The following FGGY variants were observed in gnomAD, a reference collection of about 807,000 sequenced individuals.
The protein encoded by FGGY is FGGY carbohydrate kinase domain-containing protein.
FGGY carries 72 observed loss-of-function variants against 71.3 expected under a neutral mutation model. That is an observed-to-expected ratio of 1.01 (90% CI 0.84 to 1.23). The LOEUF is 1.23. Among genes scored for constraint, FGGY ranks in the 50% most tolerant of loss-of-function variants. The probability of loss-of-function intolerance (pLI) is 0.00; values close to 1 mark genes in which losing one functional copy is unlikely to be tolerated. For missense variants in FGGY, 668 were observed against 682.3 expected (o/e 0.98, Z 0.23); for synonymous variants, 251 against 250.3 (o/e 1.00, Z -0.02).
chr1:59,748,069 G>T (rs1252782921), intron 14 of FGGY, among the ~76,000 whole-genome samples: 1 of 152,076 alleles, frequency 6.6e-6, no homozygotes, highest in Non-Finnish European at 1.5e-5. Context: ...AGGGAGGCAA[G>T]ATCTGTATAC....
intron 14 of FGGY, among the ~76,000 whole-genome samples, chr1:59,683,224 A>G (rs868602303): frequency 6.6e-6 from 1 of 152,252 alleles, no homozygotes; most frequent in African/African-American, 2.4e-5. Flanking sequence ...CTTTACAGAC[A>G]AGAAACAGGG....
At chr1:59,619,285 G>T (rs78168718) in intron 9 of FGGY, among the ~76,000 whole-genome samples, 5,642 of 152,076 alleles carry the variant, frequency 0.037, 212 homozygotes, top group African/African-American at 0.099. Flanking sequence ...ACTCCACCAA[G>T]ACTCCTGTAC....
At chr1:59,334,818 C>T (rs1009207642) in intron 2 of FGGY, among the ~76,000 whole-genome samples, 3 of 151,848 alleles carry the variant, frequency 2.0e-5, no homozygotes, top group Non-Finnish European at 2.9e-5. Flanking sequence ...AGAAACTGGT[C>T]GCTCATGCTT....
At chr1:59,457,736 C>T (rs1011335561) in intron 6 of FGGY, among the ~76,000 whole-genome samples, 18 of 152,042 alleles carry the variant, frequency 1.2e-4, no homozygotes, top group African/African-American at 3.6e-4. Context: ...AATAATTTTA[C>T]AAATTAGGTT....
chr1:59,296,438 T>G (rs948072651), upstream of FGGY, among the ~76,000 whole-genome samples: 8 of 152,084 alleles, frequency 5.3e-5, no homozygotes, highest in Non-Finnish European at 1.2e-4. Flanking sequence ...CTGCGGAGAG[T>G]CCGCCTGGGT....
intron 11 of FGGY, among the ~76,000 whole-genome samples, chr1:59,658,492 T>C (rs556286775): frequency 7.9e-4 from 120 of 152,320 alleles, no homozygotes; most frequent in South Asian, 1.7e-3. Context: ...CTCTACTGAA[T>C]GTAGGAATCC....
At chr1:59,385,174 C>T (rs1376849183) in intron 5 of FGGY, among the ~76,000 whole-genome samples, 1 of 152,104 alleles carries the variant, frequency 6.6e-6, no homozygotes, top group African/African-American at 2.4e-5. Flanking sequence ...TTCCTCTCCT[C>T]TCTTTCAGGT....
At chr1:59,485,209 C>A (rs1271406325) in intron 6 of FGGY, among the ~76,000 whole-genome samples, 1 of 152,240 alleles carries the variant, frequency 6.6e-6, no homozygotes, top group African/African-American at 2.4e-5. Context: ...CTAATCTACA[C>A]TGTCATCCCT....
Position 59,708,891 on chromosome 1 carries a change from G to A in FGGY, c.1512+34758G>A, listed in dbSNP as rs970062353. On this transcript the variant is annotated intron_variant, in intron 14 of 15. Transcript: ENST00000303721. ...ATTTCCAGTTTTGGATTTTGGATTA[G>A]GGATGCTCAACCAGTAATTATTTAA... Among the ~76,000 whole-genome samples the A allele has an allele frequency of 2.0e-5, 3 of 152,290 alleles. No homozygotes were observed. The South Asian group carries it at 6.2e-4, about 32-fold the overall frequency.
Position 59,752,265 on chromosome 1 carries a change from C to T in FGGY, c.1513-5666C>T, listed in dbSNP as rs114843893. 4.9e-3 allele frequency among the ~76,000 whole-genome samples: 745 copies of T among 152,352 alleles called. 5 individuals carry two copies. Among genetic ancestry groups the T allele is most frequent in the Non-Finnish European group, 7.3e-3 (500 of 68,030 alleles). ...GCCATCACTTTTTCCTTTGGCAACT[C>T]TGCAAACACTAACCAAGCACCTGTA... On this transcript the variant is annotated intron_variant, in intron 14 of 15. Transcript: ENST00000303721.
chr1:59,362,046 C>T (rs775047668), intron 4 of FGGY, among the ~76,000 whole-genome samples: 19 of 152,258 alleles, frequency 1.2e-4, no homozygotes, highest in South Asian at 4.1e-4. Context: ...CCTCCCTTCT[C>T]GATGCTTTGT....
intron 6 of FGGY, among the ~76,000 whole-genome samples, chr1:59,506,020 G>A (rs933274730): frequency 3.8e-4 from 58 of 152,208 alleles, no homozygotes; most frequent in African/African-American, 1.4e-3. Flanking sequence ...CAGAGTGATA[G>A]TGTTTTTACA....
At chr1:59,641,465 C>T (rs931001645) in intron 11 of FGGY, 2 of 806,456 alleles carry the variant, frequency 2.5e-6, no homozygotes, top group African/African-American at 1.8e-5. Context: ...CAGAAAAGTA[C>T]CTATCCTAAG....
chr1:59,338,945 G>T (rs1035703478), intron 2 of FGGY, among the ~76,000 whole-genome samples: 1 of 152,058 alleles, frequency 6.6e-6, no homozygotes, highest in Non-Finnish European at 1.5e-5. Context: ...CCATATACAG[G>T]TTAAGCAACC....
chr1:59,396,084 C>T (rs2061289925), intron 5 of FGGY, among the ~76,000 whole-genome samples: 1 of 152,114 alleles, frequency 6.6e-6, no homozygotes, highest in African/African-American at 2.4e-5. Flanking sequence ...CTCACTCCCA[C>T]CCTACTCAAT....
At chr1:59,367,755 T>G (rs562362771) in intron 4 of FGGY, among the ~76,000 whole-genome samples, 65 of 152,298 alleles carry the variant, frequency 4.3e-4, no homozygotes, top group African/African-American at 1.5e-3. Context: ...AAGCTACTTC[T>G]CTCTGTCCTG....
intron 7 of FGGY, among the ~76,000 whole-genome samples, chr1:59,537,868 AC>A (rs2095359718): frequency 6.6e-6 from 1 of 152,218 alleles, no homozygotes; most frequent in Non-Finnish European, 1.5e-5. Context: ...AAAGACTTAA[AC>A]GTTAGACCTA....
chr1:59,443,845 A>G (rs2153481664), intron 5 of FGGY, among the ~76,000 whole-genome samples: 1 of 152,290 alleles, frequency 6.6e-6, no homozygotes, highest in South Asian at 2.1e-4. Context: ...GGTACCAATA[A>G]CCTCATATAT....
chr1:59,592,328 C>G (rs2096458459), intron 8 of FGGY, among the ~76,000 whole-genome samples: 1 of 152,064 alleles, frequency 6.6e-6, no homozygotes, highest in Admixed American at 6.6e-5. Flanking sequence ...CACTTTTACA[C>G]TGTTGGTGGG....
Sources: allele counts gnomAD v4.1 joint callset (sites outside exome capture counted in the v4.1 genomes callset), GRCh38; gene constraint gnomAD v4.1.1; transcripts MANE v1.5; gene names NCBI Gene and HGNC (gene_info 2026-07-23, HGNC 2026-07-21).